The following CLU variants were observed in gnomAD, a reference collection of about 807,000 sequenced individuals.
CLU encodes clusterin.
Under a neutral mutation model 46.4 loss-of-function variants are expected in CLU, and 25 were observed. The observed-to-expected ratio is 0.54, with a 90% CI of 0.39 to 0.75. The LOEUF is 0.75. Among genes scored for constraint, CLU ranks in the 30% least tolerant of loss-of-function variants. The pLI is 0.00. For synonymous variants in CLU, 235 were observed against 235.1 expected, an observed-to-expected ratio of 1.00 and a Z score of 0.00; for missense variants, 504 against 592.1, an observed-to-expected ratio of 0.85 and a Z score of 1.54.
chr8:27,612,017 G>C (rs1800938743), intron 1 of CLU: 3 of 353,018 alleles, frequency 8.5e-6, no homozygotes, highest in South Asian at 6.5e-5. Context: ...CCAGAAGACA[G>C]GGTGCTGGGC....
chr8:27,597,190 C>G lies in CLU; in HGVS notation c.*1051G>C, dbSNP rs923113359. On this transcript the variant is annotated 3_prime_UTR_variant, in exon 9 of 9. Transcript: ENST00000316403. ...GCTATAAATTTACATGTGGACTTTG[C>G]TACACACCTGGGATGCAGCCAGATG... 4.4e-6 allele frequency: 2 copies of G among 454,158 alleles called. No individual in the cohort carries two copies. The highest frequency in any genetic ancestry group is 1.4e-4 in the East Asian group (2 of 14,402). 28.1% of individuals were successfully genotyped at this position (454,158 alleles called of 1,614,324 possible). A position where few individuals can be genotyped will look rare whatever the true frequency, so the allele number is the denominator to read the frequency against.
At chr8:27,610,439 C>T (rs774381482) in intron 2 of CLU, 36 bp downstream of exon 2, 4 of 1,540,494 alleles carry the variant, frequency 2.6e-6, no homozygotes, top group South Asian at 1.1e-5. Flanking sequence ...CCTCATCACC[C>T]TGTGGCCAGA....
At chr8:27,609,509 C>T (rs866528661) in intron 2 of CLU, among the ~76,000 whole-genome samples, 3 of 152,182 alleles carry the variant, frequency 2.0e-5, no homozygotes, top group Middle Eastern at 3.4e-3. Flanking sequence ...TTTCTTTGTT[C>T]CAATGCAGTG....
At position 27,609,011 on chromosome 8, in the gene CLU, G is replaced by C; in HGVS notation, c.173C>G (p.Thr58Ser). 3 of 1,614,074 alleles carry C rather than the reference G, an allele frequency of 1.9e-6. No homozygotes were observed. The highest frequency in any genetic ancestry group is 8.5e-7 in the Non-Finnish European group (1 of 1,179,912). The change falls in exon 3 of 9, where the codon ACT becomes AGT. Residue 58 changes from threonine to serine, a missense_variant. By Grantham distance (58) the Thr-to-Ser change is moderately conservative. This residue lies in a region of CLU where 73 missense variants were observed against 91.2 expected (regional missense o/e 0.80). Coordinates refer to ENST00000316403, the MANE Select transcript of CLU (RefSeq NM_001831.4). ...CTCTTCGTTTGTTTTTTCTATGAGAGTCTTTATCTGTTTCACCCCGTTGAC... is the reference window on the plus strand; with the variant it reads ...CTCTTCGTTTGTTTTTTCTATGAGACTCTTTATCTGTTTCACCCCGTTGAC... Reference protein sequence around the residue: ...NAVNGVKQIKTLIEKTNEERK... With the variant: ...NAVNGVKQIKSLIEKTNEERK...
Position 27,598,551 on chromosome 8 carries a change from C to G in CLU, c.1249G>C (p.Val417Leu), listed in dbSNP as rs1392254352. Residue 417 changes from valine to leucine, a missense_variant, in exon 8 of 9, where the codon GTG becomes CTG. This residue lies in a region of CLU where 428 missense variants were observed against 484.0 expected (regional missense o/e 0.88). Transcript: ENST00000316403. The stretch of plus-strand genomic sequence containing the variant: ...CTGGAGACTTCTACAGGGACCGTCA[C>G]AGTGATGGGATCAGAGTCAAAGAGC... ...VKLFDSDPIT[V>L]TVPVEVSRKN... The G allele has an allele frequency of 6.2e-7, 1 of 1,614,052 alleles. No homozygotes were observed. The highest frequency in any genetic ancestry group is 8.5e-7 in the Non-Finnish European group (1 of 1,180,034).
In CLU at chr8:27,604,856, A is replaced by G; in HGVS notation, c.829+68T>C. 2.6e-6 allele frequency: 4 copies of G among 1,556,004 alleles called. No homozygotes were observed. The East Asian group carries it at 6.7e-5, about 26-fold the overall frequency. ...AGAAAAATCGAGATGACACCCGCTG[A>G]GCCCTCGGCATGGTTCTCAGCATCT... On this transcript the variant is annotated intron_variant, in intron 5 of 8. Coordinates refer to ENST00000316403, the MANE Select transcript of CLU (RefSeq NM_001831.4).
rs1211140284 is a variant in CLU, at chr8:27,598,757, C to G, written c.1165-122G>C. 11 of 910,410 alleles carry G rather than the reference C, an allele frequency of 1.2e-5. No individual in the cohort carries two copies. In the Admixed American group the frequency reaches 1.9e-4, roughly 16 times the overall value. 56.4% of individuals were successfully genotyped at this position (910,410 alleles called of 1,614,324 possible). ...TGCTTCTCCAAGGAAACCTAGAGAG[C>G]TGACCCCATGCTTCTTATACATCTA... On this transcript the variant is annotated intron_variant, in intron 7 of 8. Transcript: ENST00000316403.
chr8:27,607,836 C>T (rs1006606258), intron 3 of CLU, among the ~76,000 whole-genome samples: 3 of 152,106 alleles, frequency 2.0e-5, no homozygotes, highest in Non-Finnish European at 4.4e-5. Context: ...TGGGCAAGGA[C>T]AACCCACCTC....
At chr8:27,604,484 T>A (rs1800779857) in intron 5 of CLU, 89 bp from the exon 6 acceptor site, 1 of 1,102,390 alleles carries the variant, frequency 9.1e-7, no homozygotes, top group South Asian at 1.3e-5. Context: ...ATTTATTTTT[T>A]AATTTACAGA....
intron 3 of CLU, 113 bp from the exon 4 acceptor site, chr8:27,606,637 C>T: frequency 7.8e-7 from 1 of 1,277,248 alleles, no homozygotes; most frequent in Non-Finnish European, 1.1e-6. Flanking sequence ...CATAGGCTGG[C>T]CACCCAGCAT....
Position 27,604,907 on chromosome 8 carries a change from C to A in CLU, c.829+17G>T. On this transcript the variant is annotated intron_variant, in intron 5 of 8. Coordinates refer to ENST00000316403, the MANE Select transcript of CLU (RefSeq NM_001831.4). ...AACGAGTTGCTCAAAAGGCCATGAG[C>A]TTCCACCCCTTCTCACCTCGTATGA... The A allele has an allele frequency of 6.2e-7, 1 of 1,614,100 alleles. No individual in the cohort carries two copies. The highest frequency in any genetic ancestry group is 8.5e-7 in the Non-Finnish European group (1 of 1,180,014).
rs1400918295 is a variant in CLU, at chr8:27,606,507, G to A, written c.264C>T (p.Thr88=). The A allele has an allele frequency of 6.2e-7, 1 of 1,614,064 alleles. No individual in the cohort carries two copies. Among genetic ancestry groups the A allele is most frequent in the Admixed American group, 1.7e-5 (1 of 60,012 alleles). Residue 88 remains threonine (T), a synonymous_variant, in exon 4 of 9, where the codon ACC becomes ACT. Coordinates refer to ENST00000316403, the MANE Select transcript of CLU (RefSeq NM_001831.4). The part of the protein sequence containing the change: ...KKKKEDALNE[T]RESETKLKEL... ...CCTTCAGCTTTGTCTCTGATTCCCT[G>A]GTCTCATTTAGGGCATCCTACAGGA... is the stretch of plus-strand genomic sequence containing the variant.
rs778822877 is a variant in CLU, at chr8:27,597,349, G to T, written c.*892C>A. The T allele has an allele frequency of 1.8e-5, 8 of 454,418 alleles. No individual in the cohort carries two copies. Among genetic ancestry groups the T allele is most frequent in the African/African-American group, 1.0e-4 (5 of 50,010 alleles). 28.1% of individuals were successfully genotyped at this position (454,418 alleles called of 1,614,324 possible). ...CCACCTGCTGGCAGCGTAGGGTACT[G>T]CAGCCCAGCTATGGTTCAGACTAAA... On this transcript the variant is annotated 3_prime_UTR_variant, in exon 9 of 9. Transcript: ENST00000316403.
At position 27,598,246 on chromosome 8, in the gene CLU, C is replaced by T. The variant is rs1457354519; in HGVS notation, c.1345G>A (p.Glu449Lys). 1.2e-6 allele frequency: 2 copies of T among 1,613,960 alleles called. No individual in the cohort carries two copies. Among genetic ancestry groups the T allele is most frequent in the East Asian group, 4.5e-5 (2 of 44,874 alleles). The change falls in exon 9 of 9, where the codon GAG (glutamate) becomes AAG (lysine). Residue 449 changes from glutamate (E) to lysine (K), a missense_variant. By Grantham distance (56) the Glu-to-Lys change is moderately conservative. Coordinates refer to ENST00000316403, the MANE Select transcript of CLU (RefSeq NM_001831.4). ...GCAAAAGCAACATCCACATCTCACT[C>T]CTCCCTGAAATAAAAAACAGTTATC... ...LQEYRKKHRE[E>K]
chr8:27,598,086 G>C lies in CLU; in HGVS notation c.*155C>G. ...AGCAGAGTCGAGTGTTAGAGTGCAG[G>C]ATCCAGAGCGGGGAGAGGCTGGGCG... On this transcript the variant is annotated 3_prime_UTR_variant, in exon 9 of 9. Coordinates refer to ENST00000316403, the MANE Select transcript of CLU (RefSeq NM_001831.4). The C allele has an allele frequency of 1.4e-6, 1 of 731,068 alleles. No homozygotes were observed. Among genetic ancestry groups the C allele is most frequent in the Non-Finnish European group, 2.5e-6 (1 of 399,102 alleles). 45.3% of individuals were successfully genotyped at this position (731,068 alleles called of 1,614,324 possible). A position where few individuals can be genotyped will look rare whatever the true frequency, so the allele number is the denominator to read the frequency against.
At chr8:27,604,790 C>T in intron 5 of CLU, 134 bp downstream of exon 5, 3 of 1,117,942 alleles carry the variant, frequency 2.7e-6, no homozygotes, top group Non-Finnish European at 1.3e-6. Context: ...AGTTTTTTTC[C>T]TCTTTAAATA....
chr8:27,599,277 G>C lies in CLU; in HGVS notation c.1164+503C>G. 1 of 167,476 alleles carries C rather than the reference G, an allele frequency of 6.0e-6. No individual in the cohort carries two copies. Among genetic ancestry groups the C allele is most frequent in the Non-Finnish European group, 1.3e-5 (1 of 77,236 alleles). 10.4% of individuals were successfully genotyped at this position (167,476 alleles called of 1,614,324 possible). A position where few individuals can be genotyped will look rare whatever the true frequency, so the allele number is the denominator to read the frequency against. On this transcript the variant is annotated intron_variant, in intron 7 of 8. Coordinates refer to ENST00000316403, the MANE Select transcript of CLU (RefSeq NM_001831.4). This position sits in a 1 kb window ranked among gnomAD's most constrained non-coding sequence, Gnocchi z 4.0. ...TGCCCAGGCTGGTCTCAAATTCCTG[G>C]CCTCAAGCAATCCTCTTGCCTCTGC...
At position 27,598,168 on chromosome 8, in the gene CLU, T is replaced by G. The variant is rs746510318; in HGVS notation, c.*73A>C. ...ACTTGGTGACGTGCAGAGCTCTCTC[T>G]GGGGGGCTGCAGCTCATCTTGGGGG... On this transcript the variant is annotated 3_prime_UTR_variant, in exon 9 of 9. Transcript: ENST00000316403. 1.3e-6 allele frequency: 2 copies of G among 1,535,284 alleles called. No individual in the cohort carries two copies. Among genetic ancestry groups the G allele is most frequent in the South Asian group, 1.1e-5 (1 of 88,452 alleles).
rs996963003 is a variant in CLU at position 27,611,850 on chromosome 8, G to A, written c.-29-1250C>T. 5 of 439,870 alleles carry A rather than the reference G, an allele frequency of 1.1e-5. No homozygotes were observed. In the Admixed American group the frequency reaches 1.2e-4, roughly 11 times the overall value. 27.2% of individuals were successfully genotyped at this position (439,870 alleles called of 1,614,324 possible). ...CTCACCAGGAAGGCTGTGGTCTCACGGGCTCTGCCCCAGCTGCCCACTGAG... is the reference window on the plus strand; with the variant it reads ...CTCACCAGGAAGGCTGTGGTCTCACAGGCTCTGCCCCAGCTGCCCACTGAG... On this transcript the variant is annotated intron_variant, in intron 1 of 8. Coordinates refer to ENST00000316403, the MANE Select transcript of CLU (RefSeq NM_001831.4).
Sources: allele counts gnomAD v4.1 joint callset (sites outside exome capture counted in the v4.1 genomes callset), GRCh38; gene constraint gnomAD v4.1.1; regional missense constraint gnomAD v4.1.1; non-coding constraint Gnocchi (gnomAD v3.1); transcripts MANE v1.5; gene names NCBI Gene and HGNC (gene_info 2026-07-23, HGNC 2026-07-21).